The following DLGAP2 variants were observed in gnomAD, a reference collection of about 807,000 sequenced individuals.
DLGAP2 encodes the protein DLG associated protein 2.
DLGAP2 carries 26 observed loss-of-function variants against 100.3 expected under a neutral mutation model. That is an observed-to-expected ratio of 0.26 (90% confidence interval 0.19 to 0.36). The LOEUF (loss-of-function observed/expected upper bound fraction) is 0.36, where lower values mean the gene tolerates loss of function less well. DLGAP2 is among the 10% of genes least tolerant of loss of function. DLGAP2 has a pLI of 1.00. For synonymous variants in DLGAP2, 886 were observed against 630.1 expected (o/e 1.41, Z -6.08); for missense variants, 1,858 against 1,453.2 (o/e 1.28, Z -4.53).
intron 1 of DLGAP2, among the ~76,000 whole-genome samples, chr8:888,602 G>C (rs1348326022): frequency 1.4e-5 from 2 of 148,146 alleles, no homozygotes; most frequent in Admixed American, 6.7e-5. Flanking sequence ...GTCACTTTCT[G>C]CTTTTTTTTT....
At chr8:1,153,051 G>T (rs1014828625) in intron 2 of DLGAP2, among the ~76,000 whole-genome samples, 1 of 152,134 alleles carries the variant, frequency 6.6e-6, no homozygotes, top group African/African-American at 2.4e-5. Context: ...TCTTTTAAAA[G>T]ACAGGAAATG....
chr8:1,428,939 C>G (rs149319904), intron 3 of DLGAP2, among the ~76,000 whole-genome samples: 40 of 152,284 alleles, frequency 2.6e-4, no homozygotes, highest in Middle Eastern at 3.4e-3. Flanking sequence ...TCCTTGTTTT[C>G]CTGAGGTTTG....
At chr8:1,446,582 T>C (rs1303431140) in intron 3 of DLGAP2, among the ~76,000 whole-genome samples, 3 of 152,154 alleles carry the variant, frequency 2.0e-5, no homozygotes, top group East Asian at 1.9e-4. Flanking sequence ...CGGGCTCTTT[T>C]TTGGTTCCAT....
At chr8:824,164 T>C (rs1796642235) in intron 1 of DLGAP2, among the ~76,000 whole-genome samples, 1 of 152,102 alleles carries the variant, frequency 6.6e-6, no homozygotes, top group Non-Finnish European at 1.5e-5. Context: ...AGCCTCAACC[T>C]CCTGGGCTCA....
intron 3 of DLGAP2, among the ~76,000 whole-genome samples, chr8:1,444,146 C>CG (rs1282593274): frequency 6.6e-6 from 1 of 152,074 alleles, no homozygotes; most frequent in Non-Finnish European, 1.5e-5. Flanking sequence ...AGTGCAGTGG[C>CG]GCGATCATAG....
At chr8:761,248 G>GAA (rs1821075681) in intron 1 of DLGAP2, among the ~76,000 whole-genome samples, 1 of 152,014 alleles carries the variant, frequency 6.6e-6, no homozygotes, top group African/African-American at 2.4e-5. Context: ...GGTAGAACCT[G>GAA]CTGGTCTTCC....
chr8:960,085 A>G (rs944114007), intron 2 of DLGAP2, among the ~76,000 whole-genome samples: 2 of 152,102 alleles, frequency 1.3e-5, no homozygotes, highest in Non-Finnish European at 2.9e-5. Context: ...TAAGTTTAAA[A>G]GGTTTTAAAT....
At chr8:1,513,443 G>A (rs377454794) in intron 4 of DLGAP2, among the ~76,000 whole-genome samples, 6 of 152,306 alleles carry the variant, frequency 3.9e-5, no homozygotes, top group African/African-American at 9.6e-5. Flanking sequence ...ATACACGTCC[G>A]CCTTTCCCTG....
At chr8:1,583,963 C>T (rs1796032948) in intron 6 of DLGAP2, among the ~76,000 whole-genome samples, 1 of 152,072 alleles carries the variant, frequency 6.6e-6, no homozygotes, top group Admixed American at 6.5e-5. Flanking sequence ...CCATGCCCAG[C>T]TCTGATTGCC....
At position 1,464,364 on chromosome 8, in the gene DLGAP2, AACG is replaced by A. The variant is rs1563164973; in HGVS notation, c.107-37001_107-36999del. Among the ~76,000 whole-genome samples, 586 of 62,256 alleles carry A rather than the reference AACG, an allele frequency of 9.4e-3. 42 individuals are homozygous for A. The highest frequency in any genetic ancestry group is 0.024 in the Middle Eastern group (3 of 124). 40.8% of individuals were successfully genotyped at this position (62,256 alleles called of 152,430 possible). A position where few individuals can be genotyped will look rare whatever the true frequency, so the allele number is the denominator to read the frequency against. On this transcript the variant is annotated intron_variant, in intron 3 of 14. Coordinates refer to ENST00000637795, the MANE Select transcript of DLGAP2 (RefSeq NM_001346810.2). Reference sequence around the variant, plus strand: ...TTCCAGGACGGCACCCTTCCAGGACAACGCCCTTCCAGGATGGCACCCTTCCGG... The same window carrying A: ...TTCCAGGACGGCACCCTTCCAGGACACCCTTCCAGGATGGCACCCTTCCGG...
rs546120070 is a variant in DLGAP2, at chr8:796,950, G to C, written c.18+59125G>C. 3.3e-5 allele frequency among the ~76,000 whole-genome samples: 5 copies of C among 152,158 alleles called. No homozygotes were observed. In the East Asian group the frequency reaches 9.6e-4, roughly 29 times the overall value. On this transcript the variant is annotated intron_variant, in intron 1 of 14. Transcript: ENST00000637795. ...CAAGTCAAGGATCACTTTTGCATAG[G>C]ATCAAACGACAAGCCTTCCCCAACT...
chr8:1,180,264 C>G (rs999663314), intron 2 of DLGAP2, among the ~76,000 whole-genome samples: 1 of 152,198 alleles, frequency 6.6e-6, no homozygotes, highest in African/African-American at 2.4e-5. Flanking sequence ...GTCCATGTAA[C>G]CCACATGCCA....
intron 2 of DLGAP2, among the ~76,000 whole-genome samples, chr8:1,250,198 C>T (rs6990056): frequency 0.83 from 126,089 of 151,850 alleles, 52,392 homozygotes; most frequent in Middle Eastern, 0.9. Context: ...AGGCTAAGCT[C>T]ACTGTGAAGA....
chr8:1,422,652 C>G (rs111773202), intron 3 of DLGAP2, among the ~76,000 whole-genome samples: 1 of 151,688 alleles, frequency 6.6e-6, no homozygotes, highest in Non-Finnish European at 1.5e-5. Flanking sequence ...CTGGAGGGCA[C>G]GGCTGGTGTG....
chr8:958,733 T>A (rs1390143170), intron 2 of DLGAP2, among the ~76,000 whole-genome samples: 2 of 152,102 alleles, frequency 1.3e-5, no homozygotes, highest in African/African-American at 4.8e-5. Context: ...TAGAAGAGTT[T>A]CAGTAGTTTA....
At chr8:828,725 A>G (rs1796728129) in intron 1 of DLGAP2, among the ~76,000 whole-genome samples, 2 of 152,316 alleles carry the variant, frequency 1.3e-5, no homozygotes, top group South Asian at 2.1e-4. Context: ...AATCTTTACA[A>G]TTTATGTTTA....
At chr8:851,967 T>G (rs1797190476) in intron 1 of DLGAP2, among the ~76,000 whole-genome samples, 1 of 152,150 alleles carries the variant, frequency 6.6e-6, no homozygotes, top group South Asian at 2.1e-4. Flanking sequence ...TGCAGTGACT[T>G]GGTCAGGGCA....
intron 2 of DLGAP2, among the ~76,000 whole-genome samples, chr8:1,128,301 TCCTGGTGTTGTGTTCGGTGAGGACCTGCC>T (rs1211207110): frequency 5.3e-5 from 8 of 149,776 alleles, no homozygotes; most frequent in East Asian, 1.9e-4. Context: ...GAGGACCTGC[TCCTGGTGTTGTGTTCGGTGAGGACCTGCC>T]CCCGGTGTTG....
At chr8:889,378 C>G (rs1261347481) in intron 1 of DLGAP2, among the ~76,000 whole-genome samples, 1 of 152,168 alleles carries the variant, frequency 6.6e-6, no homozygotes, top group Non-Finnish European at 1.5e-5. Flanking sequence ...GCCTGGGTTC[C>G]TCAGAACTCC....
Sources: gnomAD v4.1 joint callset for allele counts (sites outside exome capture counted in the v4.1 genomes callset) on GRCh38, gnomAD v4.1.1 for gene constraint, MANE v1.5 for transcripts, NCBI Gene and HGNC (gene_info 2026-07-23, HGNC 2026-07-21) for gene names.